The following CSNK1G1 variants were observed in gnomAD, a reference collection of about 807,000 sequenced individuals.
The protein encoded by CSNK1G1 is casein kinase 1 gamma 1.
Under a neutral mutation model 59.6 loss-of-function variants are expected in CSNK1G1, and 22 were observed. That is an observed-to-expected ratio of 0.37 (90% CI 0.26 to 0.53). The LOEUF is 0.53. Among genes scored for constraint, CSNK1G1 ranks in the 20% least tolerant of loss-of-function variants. The pLI is 0.89. For synonymous variants in CSNK1G1, 179 were observed against 177.1 expected (o/e 1.01, Z -0.08); for missense variants, 384 against 519.5 (o/e 0.74, Z 2.54).
chr15:64,171,886 T>G lies in CSNK1G1; in HGVS notation c.*45A>C. ...GAAATGGCAGGAGCTGCAGGTACAA[T>G]TGAGTCAGAGTCCCCAGGGCCTGAG... On this transcript the variant is annotated 3_prime_UTR_variant, in exon 12 of 12. Coordinates refer to ENST00000303052, the MANE Select transcript of CSNK1G1 (RefSeq NM_022048.5). This position sits in a 1 kb window ranked among gnomAD's most constrained non-coding sequence, Gnocchi z 4.8. The G allele has an allele frequency of 6.6e-7, 1 of 1,506,210 alleles. No individual in the cohort carries two copies. The highest frequency in any genetic ancestry group is 9.2e-7 in the Non-Finnish European group (1 of 1,081,464). 93.3% of individuals were successfully genotyped at this position (1,506,210 alleles called of 1,614,324 possible).
chr15:64,323,433 TCGGCTCAC>T (rs1274967638), intron 1 of CSNK1G1, among the ~76,000 whole-genome samples: 1 of 151,974 alleles, frequency 6.6e-6, no homozygotes. Flanking sequence ...TGGCGCAATC[TCGGCTCAC>T]TGCAACCTCT....
intron 4 of CSNK1G1, among the ~76,000 whole-genome samples, chr15:64,239,790 T>G (rs754936099): frequency 6.7e-6 from 1 of 149,584 alleles, no homozygotes; most frequent in African/African-American, 2.4e-5. Flanking sequence ...AACTAAGAGA[T>G]AGATATAGAA....
intron 4 of CSNK1G1, among the ~76,000 whole-genome samples, chr15:64,250,352 G>A (rs1439198207): frequency 6.6e-6 from 1 of 152,134 alleles, no homozygotes; most frequent in African/African-American, 2.4e-5. Flanking sequence ...TATAGTCAGG[G>A]TATAATAAAA....
At chr15:64,250,728 G>T (rs1489083940) in intron 4 of CSNK1G1, among the ~76,000 whole-genome samples, 1 of 151,916 alleles carries the variant, frequency 6.6e-6, no homozygotes, top group Non-Finnish European at 1.5e-5. Flanking sequence ...CTGGGTGATG[G>T]GAGTGAGACC....
chr15:64,204,404 A>C, intron 9 of CSNK1G1, 37 bp downstream of exon 9: 1 of 1,502,584 alleles, frequency 6.7e-7, no homozygotes. Context: ...GAAAGGAGGT[A>C]ATGAGGTTAA....
intron 1 of CSNK1G1, among the ~76,000 whole-genome samples, chr15:64,307,329 T>C (rs1895732394): frequency 6.6e-6 from 1 of 152,150 alleles, no homozygotes; most frequent in East Asian, 1.9e-4. Flanking sequence ...AAATAAAGCC[T>C]GTTAATTAAA....
At chr15:64,324,428 G>A (rs1896731789) in intron 1 of CSNK1G1, among the ~76,000 whole-genome samples, 1 of 152,196 alleles carries the variant, frequency 6.6e-6, no homozygotes. Context: ...GAGCAGCCTT[G>A]CTGAGTCTTC....
chr15:64,353,646 C>T (rs74357917), intron 1 of CSNK1G1, among the ~76,000 whole-genome samples: 5 of 113,384 alleles, frequency 4.4e-5, no homozygotes, highest in South Asian at 2.8e-4. Flanking sequence ...GACTCCATTT[C>T]AAAAAAAAAA....
chr15:64,307,955 G>A (rs1193047827), intron 1 of CSNK1G1, among the ~76,000 whole-genome samples: 1 of 152,008 alleles, frequency 6.6e-6, no homozygotes, highest in Non-Finnish European at 1.5e-5. Context: ...CAAAGTGCTG[G>A]GATTACAGGC....
rs748155319 is a variant in CSNK1G1 at position 64,233,344 on chromosome 15, T to TTC, written c.293-16633_293-16632dup. 1.0e-4 allele frequency among the ~76,000 whole-genome samples: 15 copies of TTC among 148,522 alleles called. No homozygotes were observed. In the South Asian group the frequency reaches 1.1e-3, roughly 11 times the overall value. ...CTTTTGCAGGAGGGAAAAGGACAGATTCTCTCTCTCTCTCTTTCTCTCTTT... is the reference window on the plus strand; with the variant it reads ...CTTTTGCAGGAGGGAAAAGGACAGATTCTCTCTCTCTCTCTCTTTCTCTCTTT... On this transcript the variant is annotated intron_variant, in intron 4 of 11. Transcript: ENST00000303052.
At chr15:64,272,005 TG>T (rs1463629381) in intron 2 of CSNK1G1, among the ~76,000 whole-genome samples, 1 of 152,230 alleles carries the variant, frequency 6.6e-6, no homozygotes, top group Non-Finnish European at 1.5e-5. Flanking sequence ...CACTATGTAA[TG>T]TCCTTCTATC....
At chr15:64,196,900 GA>G (rs1173386089) in intron 10 of CSNK1G1, among the ~76,000 whole-genome samples, 1 of 151,948 alleles carries the variant, frequency 6.6e-6, no homozygotes, top group Non-Finnish European at 1.5e-5. Flanking sequence ...CGAGTAGGAA[GA>G]AAAGCTTAAA....
chr15:64,353,933 G>C (rs1323190408), intron 1 of CSNK1G1, among the ~76,000 whole-genome samples: 3 of 152,146 alleles, frequency 2.0e-5, no homozygotes, highest in Non-Finnish European at 4.4e-5. Context: ...TTTGTTTTCT[G>C]AATATTATAT....
At chr15:64,269,644 C>T (rs1027767779) in intron 2 of CSNK1G1, among the ~76,000 whole-genome samples, 1 of 151,796 alleles carries the variant, frequency 6.6e-6, no homozygotes, top group Non-Finnish European at 1.5e-5. Context: ...CAGGTGCATA[C>T]TACCACGTCC....
intron 2 of CSNK1G1, among the ~76,000 whole-genome samples, chr15:64,288,910 C>T (rs1655525101): frequency 6.6e-6 from 1 of 152,076 alleles, no homozygotes; most frequent in Admixed American, 6.6e-5. Context: ...CATGGTGGCT[C>T]ATGCCTGTAA....
At chr15:64,340,186 T>C (rs1336133285) in intron 1 of CSNK1G1, among the ~76,000 whole-genome samples, 2 of 151,794 alleles carry the variant, frequency 1.3e-5, no homozygotes, top group African/African-American at 2.4e-5. Flanking sequence ...ACTTTGAAGG[T>C]TGTTACCTCT....
chr15:64,178,155 C>G (rs140448088), intron 11 of CSNK1G1, among the ~76,000 whole-genome samples: 15 of 152,218 alleles, frequency 9.9e-5, no homozygotes, highest in Non-Finnish European at 2.1e-4. Flanking sequence ...AAAGTGCAGC[C>G]AGTTGAGAGC....
At chr15:64,245,803 G>C (rs1271149810) in intron 4 of CSNK1G1, among the ~76,000 whole-genome samples, 1 of 151,716 alleles carries the variant, frequency 6.6e-6, no homozygotes, top group African/African-American at 2.4e-5. Flanking sequence ...GTCATTTGCA[G>C]CAACACAGAT....
chr15:64,269,993 G>C (rs540848101), intron 2 of CSNK1G1, among the ~76,000 whole-genome samples: 73 of 152,116 alleles, frequency 4.8e-4, no homozygotes, highest in African/African-American at 1.7e-3. Flanking sequence ...TTTTAGTAGA[G>C]ACAGGGTTTC....
Sources: gnomAD v4.1 joint callset for allele counts (sites outside exome capture counted in the v4.1 genomes callset) on GRCh38, gnomAD v4.1.1 for gene constraint, Gnocchi (gnomAD v3.1) non-coding constraint, MANE v1.5 for transcripts, NCBI Gene and HGNC (gene_info 2026-07-23, HGNC 2026-07-21) for gene names.